PRSS3: variants seen among roughly 807,000 people sequenced by gnomAD.
The protein encoded by PRSS3 is serine protease 3, also known as trypsin-3.
In PRSS3, 14 loss-of-function variants were observed where a neutral mutation model predicts 20.8. The ratio of observed to expected loss-of-function variants is 0.67; its 90% CI spans 0.44 to 1.05. PRSS3 has a LOEUF of 1.05. Among genes scored for constraint, PRSS3 ranks in the 50% least tolerant of loss-of-function variants. PRSS3 has a pLI of 0.00. For missense variants in PRSS3, 237 were observed against 306.4 expected (o/e 0.77, Z 1.69); for synonymous variants, 91 against 117.6 (o/e 0.77, Z 1.46).
At chr9:33,784,670 G>A (rs1032843980) in intron 1 of PRSS3, among the ~76,000 whole-genome samples, 2 of 152,128 alleles carry the variant, frequency 1.3e-5, no homozygotes, top group Admixed American at 6.5e-5. Flanking sequence ...ATAGAACATC[G>A]TATAATAGAG....
At chr9:33,779,595 G>A (rs1248496193) in intron 1 of PRSS3, among the ~76,000 whole-genome samples, 4 of 152,112 alleles carry the variant, frequency 2.6e-5, no homozygotes, top group African/African-American at 9.7e-5. Flanking sequence ...CTGGCTGGGC[G>A]CGGTGGCTCA....
At chr9:33,762,932 C>G (rs985444164) in intron 1 of PRSS3, among the ~76,000 whole-genome samples, 1 of 152,194 alleles carries the variant, frequency 6.6e-6, no homozygotes, top group African/African-American at 2.4e-5. Context: ...AGCTGCTAGA[C>G]ATTTTCAGGT....
chr9:33,776,354 A>C (rs1823932177), intron 1 of PRSS3, among the ~76,000 whole-genome samples: 1 of 152,252 alleles, frequency 6.6e-6, no homozygotes, highest in Non-Finnish European at 1.5e-5. Context: ...AGAGAAAAAA[A>C]TATTGATGAA....
intron 1 of PRSS3, among the ~76,000 whole-genome samples, chr9:33,788,034 C>T (rs138507738): frequency 7.6e-4 from 115 of 152,314 alleles, no homozygotes; most frequent in Non-Finnish European, 1.0e-3. Flanking sequence ...CAGAGAGCAG[C>T]CACCCTGGGT....
At chr9:33,796,330 A>G (rs1292870188) in intron 1 of PRSS3, among the ~76,000 whole-genome samples, 1 of 152,166 alleles carries the variant, frequency 6.6e-6, no homozygotes, top group Non-Finnish European at 1.5e-5. Flanking sequence ...AGAGAGAAGC[A>G]CTCAGTGGGT....
chr9:33,773,245 G>C (rs1823782700), intron 1 of PRSS3, among the ~76,000 whole-genome samples: 1 of 152,080 alleles, frequency 6.6e-6, no homozygotes, highest in Non-Finnish European at 1.5e-5. Context: ...AAGGAGAGAG[G>C]GAGGGAGGGA....
At chr9:33,779,944 T>C (rs776797733) in intron 1 of PRSS3, among the ~76,000 whole-genome samples, 4 of 148,592 alleles carry the variant, frequency 2.7e-5, no homozygotes, top group Non-Finnish European at 5.9e-5. Flanking sequence ...CTATGACTCA[T>C]TGGCATTCCT....
chr9:33,798,769 G>A, intron 4 of PRSS3, 147 bp downstream of exon 4: 1 of 1,351,606 alleles, frequency 7.4e-7, no homozygotes, highest in East Asian at 2.3e-5. Flanking sequence ...GGCTGAGGCG[G>A]CTCCCTGCAT....
In PRSS3 at chr9:33,796,759, A is replaced by G. The variant is rs527475268; in HGVS notation, c.157A>G (p.Ile53Val). ...CTCCCACTTCTGCGGTGGCTCCCTC[A>G]TCAGCGAACAGTGGGTGGTATCAGC... is the stretch of plus-strand genomic sequence containing the variant. Reference protein sequence around the residue: ...SGSHFCGGSLISEQWVVSAAH... With the variant: ...SGSHFCGGSLVSEQWVVSAAH... Residue 53 changes from isoleucine (I) to valine (V), a missense_variant, in exon 2 of 5, where the codon ATC (isoleucine) becomes GTC (valine). Transcript: ENST00000379405. The G allele has an allele frequency of 5.0e-6, 8 of 1,613,992 alleles. No homozygotes were observed. The East Asian group carries it at 1.1e-4, about 22-fold the overall frequency.
intron 1 of PRSS3, among the ~76,000 whole-genome samples, chr9:33,759,937 GAA>G (rs1029188473): frequency 6.6e-5 from 10 of 152,212 alleles, no homozygotes; most frequent in African/African-American, 2.4e-4. Flanking sequence ...GATGCTGAGG[GAA>G]GGAAGGAAGG....
chr9:33,760,180 GGT>G (rs1491145755), intron 1 of PRSS3, among the ~76,000 whole-genome samples: 1 of 131,298 alleles, frequency 7.6e-6, no homozygotes, highest in Non-Finnish European at 1.7e-5. Context: ...ATATATGTAA[GGT>G]TTTTTTTTTT....
At chr9:33,780,266 A>G (rs1824127279) in intron 1 of PRSS3, among the ~76,000 whole-genome samples, 1 of 152,238 alleles carries the variant, frequency 6.6e-6, no homozygotes, top group Admixed American at 6.5e-5. Flanking sequence ...GACTATTTTC[A>G]GCATCCTGAA....
chr9:33,768,638 C>T (rs1289486731), intron 1 of PRSS3, among the ~76,000 whole-genome samples: 1 of 151,942 alleles, frequency 6.6e-6, no homozygotes, highest in Non-Finnish European at 1.5e-5. Flanking sequence ...AGGTGGATCA[C>T]CTGAGGTCAG....
At chr9:33,778,338 C>A (rs1473649898) in intron 1 of PRSS3, among the ~76,000 whole-genome samples, 1 of 152,142 alleles carries the variant, frequency 6.6e-6, no homozygotes, top group African/African-American at 2.4e-5. Flanking sequence ...CTCTTAACCA[C>A]TTCTATTCCA....
intron 1 of PRSS3, among the ~76,000 whole-genome samples, chr9:33,769,487 C>T (rs1263835569): frequency 6.6e-6 from 1 of 152,194 alleles, no homozygotes; most frequent in African/African-American, 2.4e-5. Context: ...GAATTTATAC[C>T]AGCAGACATT....
intron 1 of PRSS3, chr9:33,785,994 G>A (rs1294491350): frequency 4.6e-6 from 1 of 218,292 alleles, no homozygotes; most frequent in African/African-American, 2.3e-5. Flanking sequence ...GAGAACGGTG[G>A]TAAGTGGCCG....
rs977210775 is a variant in PRSS3, at chr9:33,795,602, T to C, written c.29T>C (p.Val10Ala). 1.2e-6 allele frequency: 2 copies of C among 1,614,130 alleles called. No homozygotes were observed. The highest frequency in any genetic ancestry group is 1.7e-6 in the Non-Finnish European group (2 of 1,180,052). The change falls in exon 1 of 5, where the codon GTG becomes GCG. Residue 10 changes from valine (V) to alanine (A), a missense_variant. By Grantham distance (64) the Val-to-Ala change is moderately conservative. Transcript: ENST00000379405. ...AATCCATTCCTGATCCTTGCCTTTG[T>C]GGGAGCTGCTGGCGAGTTTCATGAC... MNPFLILAFVGAAVAVPFDD... is the reference protein window; with the variant it reads MNPFLILAFAGAAVAVPFDD...
chr9:33,766,639 A>G (rs921921643), intron 1 of PRSS3, among the ~76,000 whole-genome samples: 3 of 152,180 alleles, frequency 2.0e-5, no homozygotes, highest in African/African-American at 7.2e-5. Flanking sequence ...ACCATGAATG[A>G]ATCTTGAAAA....
intron 1 of PRSS3, among the ~76,000 whole-genome samples, chr9:33,771,743 G>C (rs920053786): frequency 3.4e-4 from 51 of 149,966 alleles, no homozygotes; most frequent in African/African-American, 1.1e-3. Context: ...TGAGTAGCTG[G>C]GACTACAGGC....
Sources: allele counts gnomAD v4.1 joint callset (sites outside exome capture counted in the v4.1 genomes callset), GRCh38; gene constraint gnomAD v4.1.1; transcripts MANE v1.5; gene names NCBI Gene and HGNC (gene_info 2026-07-23, HGNC 2026-07-21).